OTOGL: variants seen among roughly 807,000 people sequenced by gnomAD.
The protein encoded by OTOGL is otogelin-like protein.
A neutral mutation model predicts 318.5 loss-of-function variants in OTOGL; 285 were observed. That is an observed-to-expected ratio of 0.89 (90% CI 0.81 to 0.99). The LOEUF (loss-of-function observed/expected upper bound fraction) is 0.99. OTOGL is among the 50% of genes least tolerant of loss of function. OTOGL has a pLI of 0.00. For synonymous variants in OTOGL, 987 were observed against 936.5 expected, an observed-to-expected ratio of 1.05 and a Z score of -0.99; for missense variants, 2,899 against 2,845.6, an observed-to-expected ratio of 1.02 and a Z score of -0.43.
At chr12:80,237,850 G>A (rs1188249504) in intron 9 of OTOGL, among the ~76,000 whole-genome samples, 1 of 152,174 alleles carries the variant, frequency 6.6e-6, no homozygotes, top group Non-Finnish European at 1.5e-5. Flanking sequence ...GGAGATTTCT[G>A]ACTCTAGTGG....
intron 3 of OTOGL, among the ~76,000 whole-genome samples, chr12:80,211,320 TAAAG>T (rs1381012518): frequency 1.3e-5 from 2 of 152,074 alleles, no homozygotes; most frequent in African/African-American, 4.8e-5. Context: ...TAGCAGTAAA[TAAAG>T]AAAATCATTT....
intron 1 of OTOGL, among the ~76,000 whole-genome samples, chr12:80,146,864 C>T (rs1872406969): frequency 6.6e-6 from 1 of 151,978 alleles, no homozygotes; most frequent in Admixed American, 6.6e-5. Flanking sequence ...TTGTAGTATT[C>T]TCTGATGGTA....
rs1459745054 is a variant in OTOGL at position 80,379,482 on chromosome 12, G to A, written c.*1434G>A. ...ATCAACATTGCATCTGCAAATCCCA[G>A]TGTTTACTGTATATGCAATTGATTT... On this transcript the variant is annotated 3_prime_UTR_variant, in exon 59 of 59. Transcript: ENST00000547103. 1 of 151,758 alleles carries A rather than the reference G, an allele frequency of 6.6e-6. No individual in the cohort carries two copies. The highest frequency in any genetic ancestry group is 1.5e-5 in the Non-Finnish European group (1 of 67,850). The allele number at this position is 151,758 out of a possible 1,614,324, so 9.4% of individuals were successfully genotyped here. A position where few individuals can be genotyped will look rare whatever the true frequency, so the allele number is the denominator to read the frequency against.
Position 80,323,772 on chromosome 12 carries a change from A to C in OTOGL, c.4131A>C (p.Glu1377Asp), listed in dbSNP as rs768628055. 21 of 1,613,958 alleles carry C rather than the reference A, an allele frequency of 1.3e-5. No individual in the cohort carries two copies. The highest frequency in any genetic ancestry group is 1.8e-5 in the Non-Finnish European group (21 of 1,179,852). ...PYRKMCEWRY[E>D]PCATPCFKTC... Reference sequence around the variant, plus strand: ...GGAAGATGTGTGAATGGAGATATGAACCTTGTGCTACACCCTGTTTTAAAA... The same window carrying C: ...GGAAGATGTGTGAATGGAGATATGACCCTTGTGCTACACCCTGTTTTAAAA... The change falls in exon 35 of 59, where the codon GAA becomes GAC. Residue 1377 changes from glutamate to aspartate, a missense_variant. Around this residue, in one of 3 missense-constraint regions of OTOGL, gnomAD observed 2,607 missense variants for 2,524.9 expected, o/e 1.03. Transcript: ENST00000547103.
chr12:80,109,152 T>C (rs1481038711), intron 1 of OTOGL, among the ~76,000 whole-genome samples: 1 of 151,858 alleles, frequency 6.6e-6, no homozygotes, highest in Non-Finnish European at 1.5e-5. Context: ...TTAATTTCTT[T>C]AAGAAGACTG....
chr12:80,132,729 G>A (rs945461738), intron 1 of OTOGL: 10 of 152,186 alleles, frequency 6.6e-5, no homozygotes, highest in African/African-American at 2.4e-4. Flanking sequence ...TTCATCATCT[G>A]TGCTCTAAAA....
chr12:80,278,381 G>A (rs1883966698), intron 25 of OTOGL, 106 bp downstream of exon 25: 2 of 909,648 alleles, frequency 2.2e-6, no homozygotes, highest in Non-Finnish European at 3.3e-6. Flanking sequence ...AGTAAATCAA[G>A]CCTCAGCAAA....
At chr12:80,223,257 G>T (rs978812183) in intron 7 of OTOGL, among the ~76,000 whole-genome samples, 5 of 151,666 alleles carry the variant, frequency 3.3e-5, no homozygotes, top group Non-Finnish European at 7.4e-5. Context: ...GTGTGTGTGT[G>T]TGTATGTATA....
intron 1 of OTOGL, among the ~76,000 whole-genome samples, chr12:80,126,080 A>G (rs934266668): frequency 5.3e-5 from 8 of 151,994 alleles, no homozygotes. Context: ...GCCTTCTGCT[A>G]GCTTTTGAGT....
intron 44 of OTOGL, chr12:80,343,874 G>C (rs1888998176): frequency 6.6e-6 from 1 of 152,198 alleles, no homozygotes; most frequent in Admixed American, 6.5e-5. Context: ...GGGGCTGACT[G>C]TATATGCAAG....
chr12:80,299,068 C>T (rs181712168), intron 27 of OTOGL, among the ~76,000 whole-genome samples: 11 of 152,206 alleles, frequency 7.2e-5, no homozygotes, highest in East Asian at 1.9e-4. Flanking sequence ...GTAATTGGAA[C>T]GGCTGATGCT....
At chr12:80,148,848 G>A (rs191571066) in intron 1 of OTOGL, among the ~76,000 whole-genome samples, 2 of 152,288 alleles carry the variant, frequency 1.3e-5, no homozygotes, top group South Asian at 2.1e-4. Flanking sequence ...GATCGCATCA[G>A]CTCCTGAGGC....
chr12:80,332,125 T>G (rs2137892752), intron 37 of OTOGL, among the ~76,000 whole-genome samples: 1 of 152,256 alleles, frequency 6.6e-6, no homozygotes, highest in Middle Eastern at 3.4e-3. Context: ...GCTTCTTTTG[T>G]TTAAAAATTA....
At chr12:80,182,535 G>A (rs1592525337) in intron 1 of OTOGL, among the ~76,000 whole-genome samples, 1 of 152,316 alleles carries the variant, frequency 6.6e-6, no homozygotes, top group Middle Eastern at 3.4e-3. Flanking sequence ...GTGATCAATT[G>A]ACATAGAGGT....
intron 1 of OTOGL, among the ~76,000 whole-genome samples, chr12:80,100,508 A>C (rs1869074912): frequency 6.6e-6 from 1 of 152,202 alleles, no homozygotes; most frequent in Non-Finnish European, 1.5e-5. Flanking sequence ...TGTAGTTTAT[A>C]CAAAGCTTAT....
At chr12:80,189,308 A>C (rs371838154) in intron 1 of OTOGL, 2 of 493,348 alleles carry the variant, frequency 4.1e-6, no homozygotes, top group African/African-American at 4.2e-5. Context: ...TCTTTTACTC[A>C]ACATTGTCTT....
intron 1 of OTOGL, among the ~76,000 whole-genome samples, chr12:80,182,958 T>G (rs1175141966): frequency 6.6e-6 from 1 of 152,208 alleles, no homozygotes; most frequent in Non-Finnish European, 1.5e-5. Flanking sequence ...TGTGGAACTT[T>G]TGTACAAATT....
chr12:80,125,999 A>T (rs10862059), intron 1 of OTOGL, among the ~76,000 whole-genome samples: 52 of 151,798 alleles, frequency 3.4e-4, no homozygotes, highest in Non-Finnish European at 1.3e-4. Context: ...AGCTCCTGGA[A>T]TCATTGATTT....
intron 26 of OTOGL, among the ~76,000 whole-genome samples, chr12:80,279,448 C>T (rs976681017): frequency 1.3e-4 from 20 of 151,424 alleles, no homozygotes; most frequent in African/African-American, 4.8e-4. Context: ...TCCTCCCATC[C>T]TTCACCCTTA....
Sources: allele counts gnomAD v4.1 joint callset (sites outside exome capture counted in the v4.1 genomes callset), GRCh38; gene constraint gnomAD v4.1.1; regional missense constraint gnomAD v4.1.1; transcripts MANE v1.5; gene names NCBI Gene and HGNC (gene_info 2026-07-23, HGNC 2026-07-21).